Variants in PPM1H observed in about 807,000 individuals in gnomAD.
PPM1H encodes the protein protein phosphatase, Mg2+/Mn2+ dependent 1H, also known as protein phosphatase 1H.
PPM1H carries 27 observed loss-of-function variants against 54.9 expected under a neutral mutation model. The ratio of observed to expected loss-of-function variants is 0.49; its 90% CI spans 0.36 to 0.68. The LOEUF (loss-of-function observed/expected upper bound fraction) is 0.68, where lower values mean the gene tolerates loss of function less well. PPM1H is among the 30% of genes least tolerant of loss of function. The probability of loss-of-function intolerance (pLI) is 0.00; values close to 1 mark genes in which losing one functional copy is unlikely to be tolerated. For missense variants in PPM1H, 596 were observed against 667.8 expected, an observed-to-expected ratio of 0.89 and a Z score of 1.19; for synonymous variants, 305 against 270.8, an observed-to-expected ratio of 1.13 and a Z score of -1.24.
intron 1 of PPM1H, among the ~76,000 whole-genome samples, chr12:62,851,468 CA>C (rs1214727336): frequency 6.6e-6 from 1 of 151,762 alleles, no homozygotes; most frequent in Non-Finnish European, 1.5e-5. Context: ...TTTCAGAGGC[CA>C]AGGTGGGTGG....
In PPM1H at chr12:62,934,645, C is replaced by T. The variant is rs1296445660; in HGVS notation, c.92G>A (p.Gly31Glu). 1.3e-6 allele frequency: 2 copies of T among 1,595,232 alleles called. No homozygotes were observed. Among genetic ancestry groups the T allele is most frequent in the East Asian group, 2.3e-5 (1 of 43,674 alleles). ...SGSEHGGGSC[G>E]GSDLPLRFPY... ...GAAACGCAGGGGCAGGTCCGAGCCTCCGCAGCTGCCGCCGCCGTGCTCGGA... is the reference window on the plus strand; with the variant it reads ...GAAACGCAGGGGCAGGTCCGAGCCTTCGCAGCTGCCGCCGCCGTGCTCGGA... Residue 31 changes from glycine to glutamate, a missense_variant, in exon 1 of 10, where the codon GGA becomes GAA. By Grantham distance (98) the Gly-to-Glu change is moderately conservative. Coordinates refer to ENST00000228705, the MANE Select transcript of PPM1H (RefSeq NM_020700.2). The surrounding 1 kb of genome is among the most constrained non-coding windows in gnomAD (Gnocchi z 4.2).
At chr12:62,846,328 C>T (rs1280914814) in intron 1 of PPM1H, among the ~76,000 whole-genome samples, 2 of 151,832 alleles carry the variant, frequency 1.3e-5, no homozygotes, top group African/African-American at 2.4e-5. Context: ...GCAAAACCAT[C>T]GGTACTAAAA....
intron 8 of PPM1H, among the ~76,000 whole-genome samples, chr12:62,676,424 T>G (rs1240878918): frequency 6.6e-6 from 1 of 152,058 alleles, no homozygotes; most frequent in Admixed American, 6.5e-5. Flanking sequence ...CCCAAGTTGG[T>G]GGGACAGGAG....
intron 8 of PPM1H, among the ~76,000 whole-genome samples, chr12:62,676,164 C>T (rs1413776766): frequency 6.6e-6 from 1 of 152,206 alleles, no homozygotes; most frequent in Non-Finnish European, 1.5e-5. Flanking sequence ...GACAGCCTGG[C>T]TTCCATGCTT....
At position 62,881,811 on chromosome 12, in the gene PPM1H, G is replaced by A. The variant is rs1443818206; in HGVS notation, c.246-49532C>T. Among the ~76,000 whole-genome samples the A allele has an allele frequency of 3.3e-5, 5 of 152,044 alleles. No homozygotes were observed. In the South Asian group the frequency reaches 6.2e-4, roughly 19 times the overall value. ...CAATGCCTTAGTTCCAGCTGCCATC[G>A]CTTGCTTGGCATAATGCAAAACCCA... is the stretch of plus-strand genomic sequence containing the variant. On this transcript the variant is annotated intron_variant, in intron 1 of 9. Transcript: ENST00000228705.
At chr12:62,708,997 A>G (rs1274831549) in intron 6 of PPM1H, among the ~76,000 whole-genome samples, 1 of 152,018 alleles carries the variant, frequency 6.6e-6, no homozygotes, top group Non-Finnish European at 1.5e-5. Context: ...TAAGGGTGGG[A>G]AAATAAAATT....
intron 1 of PPM1H, among the ~76,000 whole-genome samples, chr12:62,855,682 G>A (rs1389912006): frequency 1.3e-5 from 2 of 152,132 alleles, no homozygotes; most frequent in Non-Finnish European, 2.9e-5. Flanking sequence ...AAGCACCCAT[G>A]TTATTCCAGG....
chr12:62,665,761 G>T (rs1200697303), intron 9 of PPM1H, among the ~76,000 whole-genome samples: 1 of 151,878 alleles, frequency 6.6e-6, no homozygotes, highest in African/African-American at 2.4e-5. Flanking sequence ...TTTTGAGACG[G>T]AGTCTTGCTC....
chr12:62,919,427 C>G (rs13378081), intron 1 of PPM1H, among the ~76,000 whole-genome samples: 24,096 of 134,482 alleles, frequency 0.18, 2,215 homozygotes, highest in East Asian at 0.29. Flanking sequence ...TTAAATGTTG[C>G]GGGGTGGGGG....
intron 1 of PPM1H, among the ~76,000 whole-genome samples, chr12:62,899,352 C>G (rs2121108529): frequency 6.6e-6 from 1 of 152,124 alleles, no homozygotes; most frequent in South Asian, 2.1e-4. Flanking sequence ...GGGAGGACCA[C>G]TTGAGGCCAG....
chr12:62,905,954 C>T (rs1871290949), intron 1 of PPM1H, among the ~76,000 whole-genome samples: 2 of 152,104 alleles, frequency 1.3e-5, no homozygotes, highest in Admixed American at 1.3e-4. Context: ...GAAAAGAAAA[C>T]ATTCTGGGAG....
chr12:62,747,431 T>C (rs568602922), intron 4 of PPM1H, among the ~76,000 whole-genome samples: 49 of 152,308 alleles, frequency 3.2e-4, no homozygotes, highest in African/African-American at 1.2e-3. Context: ...CCACTGTGCC[T>C]GGCAATTTTT....
At chr12:62,779,020 T>C (rs1382780312) in intron 4 of PPM1H, among the ~76,000 whole-genome samples, 7 of 151,080 alleles carry the variant, frequency 4.6e-5, no homozygotes, top group South Asian at 2.1e-4. Context: ...AAAGACATAA[T>C]ATTTCTTTTT....
chr12:62,724,130 G>A (rs978982098), intron 5 of PPM1H, among the ~76,000 whole-genome samples: 1 of 152,190 alleles, frequency 6.6e-6, no homozygotes, highest in Non-Finnish European at 1.5e-5. Flanking sequence ...ATTACCATTA[G>A]ATCTTTTGTC....
chr12:62,809,519 C>A (rs1398591890), intron 2 of PPM1H, among the ~76,000 whole-genome samples: 3 of 152,150 alleles, frequency 2.0e-5, no homozygotes, highest in Admixed American at 6.5e-5. Flanking sequence ...GCAGGAGGGG[C>A]CTTCATCAAG....
chr12:62,691,605 C>T (rs1185336150), intron 7 of PPM1H, among the ~76,000 whole-genome samples: 1 of 152,100 alleles, frequency 6.6e-6, no homozygotes, highest in Non-Finnish European at 1.5e-5. Flanking sequence ...AGGAGGATCA[C>T]TTGAGCCCAG....
In PPM1H at chr12:62,692,755, C is replaced by A. The variant is rs2076089771; in HGVS notation, c.1137+1181G>T. 2.0e-5 allele frequency among the ~76,000 whole-genome samples: 3 copies of A among 152,310 alleles called. No homozygotes were observed. The South Asian group carries it at 6.2e-4, about 32-fold the overall frequency. ...ACGATTCTTAACCAGAGACTGTGAT[C>A]TGAAAGGTGTTCATTTTCATGAATG... On this transcript the variant is annotated intron_variant, in intron 7 of 9. Transcript: ENST00000228705.
chr12:62,724,027 C>T (rs1371059004), intron 5 of PPM1H, among the ~76,000 whole-genome samples: 1 of 152,150 alleles, frequency 6.6e-6, no homozygotes. Context: ...CAGAGGGGCC[C>T]TGCACCATAC....
At chr12:62,677,227 C>T (rs2075992642) in intron 8 of PPM1H, among the ~76,000 whole-genome samples, 1 of 152,226 alleles carries the variant, frequency 6.6e-6, no homozygotes, top group Non-Finnish European at 1.5e-5. Context: ...ACCTTGCTCA[C>T]CCTCCAGTTG....
Sources: gnomAD v4.1 joint callset for allele counts (sites outside exome capture counted in the v4.1 genomes callset) on GRCh38, gnomAD v4.1.1 for gene constraint, Gnocchi (gnomAD v3.1) non-coding constraint, MANE v1.5 for transcripts, NCBI Gene and HGNC (gene_info 2026-07-23, HGNC 2026-07-21) for gene names.